Variants in ASTN2 observed in about 807,000 individuals in gnomAD.
ASTN2 encodes the protein astrotactin-2.
Under a neutral mutation model 139.8 loss-of-function variants are expected in ASTN2, and 54 were observed. That is an observed-to-expected ratio of 0.39 (90% CI 0.31 to 0.48). The LOEUF (loss-of-function observed/expected upper bound fraction) is 0.48. Among genes scored for constraint, ASTN2 ranks in the 20% least tolerant of loss-of-function variants. The probability of loss-of-function intolerance (pLI) is 0.95; values close to 1 mark genes in which losing one functional copy is unlikely to be tolerated. For missense variants in ASTN2, 1,565 were observed against 1,725.1 expected (o/e 0.91, Z 1.64); for synonymous variants, 756 against 719.5 (o/e 1.05, Z -0.81).
intron 7 of ASTN2, among the ~76,000 whole-genome samples, chr9:116,979,547 A>C (rs965947931): frequency 6.6e-6 from 1 of 152,154 alleles, no homozygotes; most frequent in Admixed American, 6.5e-5. Flanking sequence ...AAGAAGTGTT[A>C]AAATGCAACA....
At chr9:117,215,461 G>T (rs1228488017) in intron 2 of ASTN2, among the ~76,000 whole-genome samples, 1 of 60,490 alleles carries the variant, frequency 1.7e-5, no homozygotes, top group African/African-American at 6.1e-5. Flanking sequence ...GAATTTCAAG[G>T]TCAACTGATA....
At chr9:117,023,816 TC>T (rs1837967240) in intron 6 of ASTN2, among the ~76,000 whole-genome samples, 1 of 152,138 alleles carries the variant, frequency 6.6e-6, no homozygotes, top group South Asian at 2.1e-4. Flanking sequence ...GGATTTGCAT[TC>T]TAGTGGTGAG....
intron 10 of ASTN2, among the ~76,000 whole-genome samples, chr9:116,901,248 G>C (rs927395862): frequency 1.3e-5 from 2 of 152,146 alleles, no homozygotes; most frequent in Non-Finnish European, 2.9e-5. Context: ...TGGAAGGCTG[G>C]GTGCAGTGGC....
chr9:116,667,713 T>C (rs1427479080), intron 16 of ASTN2, among the ~76,000 whole-genome samples: 4 of 152,236 alleles, frequency 2.6e-5, no homozygotes, highest in Non-Finnish European at 1.5e-5. Context: ...TTCTTTCTTG[T>C]AAATGTGTGC....
chr9:117,282,084 C>G (rs902613956), intron 2 of ASTN2, among the ~76,000 whole-genome samples: 1 of 152,164 alleles, frequency 6.6e-6, no homozygotes, highest in Admixed American at 6.5e-5. Flanking sequence ...CCCATCTCTG[C>G]TTTTGTTGCT....
chr9:116,782,328 G>A (rs545675432), intron 13 of ASTN2, among the ~76,000 whole-genome samples: 71 of 152,230 alleles, frequency 4.7e-4, no homozygotes, highest in African/African-American at 6.3e-4. Context: ...CCAGTTCAGC[G>A]ACCCAGTGCA....
chr9:116,762,993 A>G (rs1244394949), intron 13 of ASTN2, among the ~76,000 whole-genome samples: 1 of 152,198 alleles, frequency 6.6e-6, no homozygotes, highest in East Asian at 1.9e-4. Flanking sequence ...TCCCAAAGAG[A>G]TACAGAATAA....
chr9:117,372,415 T>C (rs1018968656), intron 1 of ASTN2, among the ~76,000 whole-genome samples: 2 of 152,162 alleles, frequency 1.3e-5, no homozygotes, highest in Non-Finnish European at 2.9e-5. Flanking sequence ...CCCATTCATA[T>C]GGCCATTTGA....
At chr9:116,884,810 C>A (rs1197992085) in intron 10 of ASTN2, among the ~76,000 whole-genome samples, 4 of 124,628 alleles carry the variant, frequency 3.2e-5, no homozygotes, top group Admixed American at 1.6e-4. Context: ...TCCGCCCCCC[C>A]CCCACCCACT....
At chr9:116,469,251 T>G (rs2119002345) in intron 20 of ASTN2, among the ~76,000 whole-genome samples, 1 of 152,086 alleles carries the variant, frequency 6.6e-6, no homozygotes, top group South Asian at 2.1e-4. Flanking sequence ...GTTGGATAAA[T>G]AAAGGCAGAA....
At chr9:117,107,232 A>T (rs1489180280) in intron 4 of ASTN2, among the ~76,000 whole-genome samples, 1 of 152,064 alleles carries the variant, frequency 6.6e-6, no homozygotes, top group Non-Finnish European at 1.5e-5. Flanking sequence ...TAAATTTTAC[A>T]TTGTTTCCAG....
chr9:117,237,270 G>C (rs1259119725), intron 2 of ASTN2, among the ~76,000 whole-genome samples: 1 of 152,056 alleles, frequency 6.6e-6, no homozygotes. Flanking sequence ...TAAGGACACT[G>C]AGTCTCAGAA....
intron 2 of ASTN2, among the ~76,000 whole-genome samples, chr9:117,243,747 A>C (rs1833283992): frequency 3.9e-5 from 6 of 152,008 alleles, no homozygotes; most frequent in Admixed American, 3.9e-4. Context: ...TAACCCCGCC[A>C]CCCCTCCCCA....
intron 19 of ASTN2, among the ~76,000 whole-genome samples, chr9:116,518,142 C>T (rs187218932): frequency 8.5e-5 from 13 of 152,218 alleles, no homozygotes; most frequent in African/African-American, 2.9e-4. Context: ...CATCCAAATA[C>T]AAGAAACTCA....
intron 10 of ASTN2, among the ~76,000 whole-genome samples, chr9:116,953,318 G>A (rs1835616293): frequency 6.6e-6 from 1 of 152,204 alleles, no homozygotes; most frequent in Non-Finnish European, 1.5e-5. Context: ...ATCTGTATCT[G>A]TTTGACTTCT....
chr9:116,571,635 G>C (rs1213059650), intron 19 of ASTN2, among the ~76,000 whole-genome samples: 1 of 152,120 alleles, frequency 6.6e-6, no homozygotes, highest in East Asian at 1.9e-4. Context: ...GTATGCCTGT[G>C]GGAAGGTGGC....
intron 12 of ASTN2, among the ~76,000 whole-genome samples, chr9:116,820,089 T>C (rs942228580): frequency 2.0e-5 from 3 of 152,206 alleles, no homozygotes; most frequent in African/African-American, 7.2e-5. Flanking sequence ...TCACCTGTGT[T>C]GTTTCCTTTA....
At chr9:116,870,234 G>A (rs1297738055) in intron 10 of ASTN2, among the ~76,000 whole-genome samples, 1 of 152,210 alleles carries the variant, frequency 6.6e-6, no homozygotes, top group African/African-American at 2.4e-5. Context: ...GGAGTTAGGA[G>A]TTGAACCCAG....
intron 5 of ASTN2, among the ~76,000 whole-genome samples, chr9:117,073,877 C>T (rs889336572): frequency 6.6e-6 from 1 of 152,106 alleles, no homozygotes; most frequent in Non-Finnish European, 1.5e-5. Flanking sequence ...GGAACAAAGC[C>T]TGCCCTAGTG....
Sources: allele counts gnomAD v4.1 joint callset (sites outside exome capture counted in the v4.1 genomes callset), GRCh38; gene constraint gnomAD v4.1.1; transcripts MANE v1.5; gene names NCBI Gene and HGNC (gene_info 2026-07-23, HGNC 2026-07-21).